Variants in PEPD observed in about 807,000 individuals in gnomAD.
The protein encoded by PEPD is xaa-Pro dipeptidase.
Under a neutral mutation model 60.7 loss-of-function variants are expected in PEPD, and 53 were observed. The ratio of observed to expected loss-of-function variants is 0.87; its 90% CI spans 0.70 to 1.10. PEPD has a LOEUF of 1.10. Among genes scored for constraint, PEPD ranks in the 50% least tolerant of loss-of-function variants. PEPD has a pLI of 0.00. For missense variants in PEPD, 711 were observed against 711.9 expected (o/e 1.00, Z 0.01); for synonymous variants, 267 against 284.1 (o/e 0.94, Z 0.60).
chr19:33,462,447 C>T (rs1320213946), intron 9 of PEPD, among the ~76,000 whole-genome samples: 1 of 152,186 alleles, frequency 6.6e-6, no homozygotes, highest in Non-Finnish European at 1.5e-5. Context: ...ACACTGACTT[C>T]TGGGTCCTGG....
In PEPD at chr19:33,387,082, A is replaced by C; in HGVS notation, c.*262T>G. ...AGACACATTTTAGTTGCTACTAAAG[A>C]ACAGCATTATTTTCAATCATTTTAA... On this transcript the variant is annotated 3_prime_UTR_variant, in exon 15 of 15. Transcript: ENST00000244137. 8 of 528,890 alleles carry C rather than the reference A, an allele frequency of 1.5e-5. No individual in the cohort carries two copies. Among genetic ancestry groups the C allele is most frequent in the Non-Finnish European group, 2.7e-5 (8 of 296,920 alleles). 32.8% of individuals were successfully genotyped at this position (528,890 alleles called of 1,614,324 possible).
intron 7 of PEPD, among the ~76,000 whole-genome samples, chr19:33,473,215 T>C (rs1279017289): frequency 1.3e-5 from 2 of 152,164 alleles, no homozygotes; most frequent in East Asian, 1.9e-4. Flanking sequence ...CCACTTCCCA[T>C]GTGGCTTTCT....
intron 7 of PEPD, among the ~76,000 whole-genome samples, chr19:33,475,383 C>T (rs1408867760): frequency 1.3e-5 from 2 of 151,676 alleles, no homozygotes; most frequent in Non-Finnish European, 2.9e-5. Flanking sequence ...CCTTCAGTGC[C>T]CCAGGGAGTG....
chr19:33,517,642 G>A (rs1037681150), intron 1 of PEPD, among the ~76,000 whole-genome samples: 3 of 151,978 alleles, frequency 2.0e-5, no homozygotes, highest in Admixed American at 6.6e-5. Flanking sequence ...GGGGTCTACC[G>A]CACAGACAAG....
rs370836139 is a variant in PEPD at position 33,475,152 on chromosome 19, T to A, written c.548+2894A>T. ...ATCAAGAAGCTGAGGCTCAGAAAAG[T>A]CAAGTGACTTCCTGAGCAGGGAGGA... On this transcript the variant is annotated intron_variant, in intron 7 of 14. Coordinates refer to ENST00000244137, the MANE Select transcript of PEPD (RefSeq NM_000285.4). Among the ~76,000 whole-genome samples, 36 of 151,974 alleles carry A rather than the reference T, an allele frequency of 2.4e-4. No individual in the cohort carries two copies. The East Asian group carries it at 5.8e-3, about 25-fold the overall frequency.
At chr19:33,410,554 G>A (rs1453127745) in intron 11 of PEPD, among the ~76,000 whole-genome samples, 4 of 152,230 alleles carry the variant, frequency 2.6e-5, no homozygotes, top group Non-Finnish European at 5.9e-5. Flanking sequence ...CCAGGCCGGT[G>A]AGCAGCCATC....
intron 3 of PEPD, among the ~76,000 whole-genome samples, chr19:33,503,670 C>T (rs1031291722): frequency 3.3e-5 from 5 of 152,184 alleles, no homozygotes; most frequent in African/African-American, 9.7e-5. Context: ...CAGCGAAATG[C>T]GTGGCTGGGA....
At chr19:33,498,903 T>C (rs1030567308) in intron 4 of PEPD, among the ~76,000 whole-genome samples, 1 of 152,188 alleles carries the variant, frequency 6.6e-6, no homozygotes, top group Admixed American at 6.5e-5. Context: ...GCCAGGGTCC[T>C]TGAGACAGGG....
intron 12 of PEPD, among the ~76,000 whole-genome samples, chr19:33,400,101 T>C (rs1038469484): frequency 2.6e-5 from 4 of 152,062 alleles, no homozygotes; most frequent in African/African-American, 9.7e-5. Flanking sequence ...ACGCCTGAGC[T>C]CCCCTACACA....
chr19:33,414,983 C>T (rs1246245055), intron 9 of PEPD, among the ~76,000 whole-genome samples: 2 of 152,236 alleles, frequency 1.3e-5, no homozygotes, highest in Non-Finnish European at 2.9e-5. Flanking sequence ...CTGGGAGTCT[C>T]AGCGCTGAGT....
chr19:33,512,594 T>C lies in PEPD; in HGVS notation c.200A>G (p.Gln67Arg), dbSNP rs780093052. 27 of 1,613,344 alleles carry C rather than the reference T, an allele frequency of 1.7e-5. No homozygotes were observed. The highest frequency in any genetic ancestry group is 2.1e-5 in the Non-Finnish European group (25 of 1,179,890). The change falls in exon 2 of 15, where the codon CAG becomes CGG. Residue 67 changes from glutamine to arginine, a missense_variant and splice_region_variant. By Grantham distance (43) the Gln-to-Arg change is conservative. Transcript: ENST00000244137. Reference sequence around the variant, plus strand: ...TTGTGGCCAAGCGGGGAGGCTCACCTGGCGGAAGAGGACCCCGGTGTCGGT... The same window carrying C: ...TTGTGGCCAAGCGGGGAGGCTCACCCGGCGGAAGAGGACCCCGGTGTCGGT... The part of the protein sequence containing the change: ...YCTDTGVLFR[Q>R]ESFFHWAFGV...
At chr19:33,436,234 A>AGGGGGAGAGGGAGAGGGAGAGGT (rs1969374059) in intron 9 of PEPD, among the ~76,000 whole-genome samples, 2 of 151,552 alleles carry the variant, frequency 1.3e-5, no homozygotes, top group African/African-American at 4.9e-5. Context: ...GAGGGAGAGG[A>AGGGGGAGAGGGAGAGGGAGAGGT]GGGAGAGAAG....
Position 33,391,296 on chromosome 19 carries a change from T to C in PEPD, c.1151A>G (p.Glu384Gly), listed in dbSNP as rs1968212241. 3.7e-6 allele frequency: 6 copies of C among 1,610,534 alleles called. No individual in the cohort carries two copies. The highest frequency in any genetic ancestry group is 5.1e-6 in the Non-Finnish European group (6 of 1,178,776). ...IDVHDVGGYP[E>G]GVERIDEPGL... ...TCCGCCTGCCATGTCCACACTGACC[T>C]CTGGGTAGCCTCCCACGTCGTGCAC... The change falls in exon 13 of 15, where the codon GAG (glutamate) becomes GGG (glycine). Residue 384 changes from glutamate (E) to glycine (G), a missense_variant and splice_region_variant. Transcript: ENST00000244137.
rs781268022 is a variant in PEPD at position 33,391,264 on chromosome 19, A to C, written c.1152+31T>G. On this transcript the variant is annotated intron_variant, in intron 13 of 14. Transcript: ENST00000244137. The stretch of plus-strand genomic sequence containing the variant: ...TCAGGCTCAGCGGCAGCTGATGGGC[A>C]GGCCACTCCGCCTGCCATGTCCACA... 3.2e-6 allele frequency: 5 copies of C among 1,570,846 alleles called. No homozygotes were observed. In the African/African-American group the frequency reaches 4.0e-5, roughly 13 times the overall value.
At chr19:33,465,822 T>C (rs749490046) in intron 7 of PEPD, among the ~76,000 whole-genome samples, 2 of 151,922 alleles carry the variant, frequency 1.3e-5, no homozygotes, top group Non-Finnish European at 2.9e-5. Context: ...ATGCAAAAAT[T>C]ATAGAACCCT....
At chr19:33,481,501 G>A (rs1317224081) in intron 6 of PEPD, among the ~76,000 whole-genome samples, 1 of 152,166 alleles carries the variant, frequency 6.6e-6, no homozygotes, top group African/African-American at 2.4e-5. Flanking sequence ...AGGAGGCTGA[G>A]CATGCAGTGA....
At chr19:33,514,530 T>A (rs1188519315) in intron 1 of PEPD, among the ~76,000 whole-genome samples, 1 of 151,634 alleles carries the variant, frequency 6.6e-6, no homozygotes, top group Non-Finnish European at 1.5e-5. Context: ...TGGCCTGAGG[T>A]TTCCCCACTT....
intron 4 of PEPD, among the ~76,000 whole-genome samples, chr19:33,494,091 C>T (rs1181003949): frequency 1.3e-5 from 2 of 152,168 alleles, no homozygotes; most frequent in Admixed American, 1.3e-4. Context: ...ACCATTCCCC[C>T]AGCAAAGTGC....
chr19:33,462,766 ACCAC>A (rs1356958648), intron 9 of PEPD, among the ~76,000 whole-genome samples: 1 of 152,170 alleles, frequency 6.6e-6, no homozygotes, highest in African/African-American at 2.4e-5. Flanking sequence ...GGGGCACTAA[ACCAC>A]CCTGAAAAGT....
Sources: allele counts gnomAD v4.1 joint callset (sites outside exome capture counted in the v4.1 genomes callset), GRCh38; gene constraint gnomAD v4.1.1; transcripts MANE v1.5; gene names NCBI Gene and HGNC (gene_info 2026-07-23, HGNC 2026-07-21).